TMEM87A: variants seen among roughly 807,000 people sequenced by gnomAD.
TMEM87A encodes the protein Golgi-pH regulating cation channel.
TMEM87A carries 50 observed loss-of-function variants against 90.0 expected under a neutral mutation model. The ratio of observed to expected loss-of-function variants is 0.56; its 90% confidence interval spans 0.44 to 0.70. The LOEUF is 0.70. Ranked by LOEUF, TMEM87A falls within the 30% of genes least tolerant of loss-of-function variation. The pLI is 0.00. For synonymous variants in TMEM87A, 226 were observed against 226.7 expected, an observed-to-expected ratio of 1.00 and a Z score of 0.03; for missense variants, 577 against 660.5, an observed-to-expected ratio of 0.87 and a Z score of 1.39.
Position 42,244,213 on chromosome 15 carries a change from G to A in TMEM87A, c.505-46C>T, listed in dbSNP as rs753647763. 3.8e-6 allele frequency: 5 copies of A among 1,331,524 alleles called. No homozygotes were observed. The Admixed American group carries it at 1.3e-4, about 34-fold the overall frequency. The allele number at this position is 1,331,524 out of a possible 1,614,324, so 82.5% of individuals were successfully genotyped here. On this transcript the variant is annotated intron_variant, in intron 6 of 19. Transcript: ENST00000389834. ...CACATCTATAAATCTTAAGAATTAA[G>A]AGCACAAATTAATAATACAATATGC... is the stretch of plus-strand genomic sequence containing the variant.
chr15:42,244,215 G>C, intron 6 of TMEM87A, 48 bp from the exon 7 acceptor site: 1 of 1,306,612 alleles, frequency 7.7e-7, no homozygotes, highest in Non-Finnish European at 1.1e-6. Context: ...AGAATTAAGA[G>C]CACAAATTAA....
chr15:42,223,438 G>A (rs1181173140), intron 15 of TMEM87A, among the ~76,000 whole-genome samples: 1 of 152,182 alleles, frequency 6.6e-6, no homozygotes, highest in Non-Finnish European at 1.5e-5. Flanking sequence ...GATTGTTACA[G>A]TCTGAATGTC....
chr15:42,212,485 C>T (rs1217086344), intron 19 of TMEM87A, among the ~76,000 whole-genome samples: 1 of 152,112 alleles, frequency 6.6e-6, no homozygotes, highest in Non-Finnish European at 1.5e-5. Flanking sequence ...TTCTCCACTC[C>T]ATCCAAGCCT....
At chr15:42,216,508 A>G (rs369020164) in intron 19 of TMEM87A, among the ~76,000 whole-genome samples, 1 of 152,218 alleles carries the variant, frequency 6.6e-6, no homozygotes, top group Admixed American at 6.5e-5. Flanking sequence ...CATTCCCATG[A>G]AGGGCACAAT....
At chr15:42,256,849 C>G (rs532393026) in intron 6 of TMEM87A, among the ~76,000 whole-genome samples, 1 of 152,068 alleles carries the variant, frequency 6.6e-6, no homozygotes, top group African/African-American at 2.4e-5. Flanking sequence ...TCCCAAGTAG[C>G]GGGGACTACA....
chr15:42,233,964 T>C (rs1050779557), intron 10 of TMEM87A, among the ~76,000 whole-genome samples: 1 of 150,982 alleles, frequency 6.6e-6, no homozygotes, highest in Non-Finnish European at 1.5e-5. Context: ...TGATGTTTTG[T>C]AGAGACAAGG....
At chr15:42,260,403 A>G (rs1357969977) in intron 6 of TMEM87A, among the ~76,000 whole-genome samples, 1 of 152,192 alleles carries the variant, frequency 6.6e-6, no homozygotes, top group Non-Finnish European at 1.5e-5. Flanking sequence ...CTTCTGTAAT[A>G]TGTATATTAT....
intron 6 of TMEM87A, among the ~76,000 whole-genome samples, chr15:42,248,570 T>C (rs867120195): frequency 4.6e-5 from 7 of 152,248 alleles, no homozygotes; most frequent in Non-Finnish European, 8.8e-5. Flanking sequence ...GTTCTGTTTA[T>C]GTGATGGATT....
intron 1 of TMEM87A, 129 bp downstream of exon 1, chr15:42,273,126 C>T: frequency 1.6e-6 from 2 of 1,216,440 alleles, no homozygotes; most frequent in East Asian, 2.5e-5. Flanking sequence ...GTTGGCTAGC[C>T]ACACAGACCA....
intron 8 of TMEM87A, among the ~76,000 whole-genome samples, chr15:42,238,607 G>A (rs547744725): frequency 6.6e-6 from 1 of 152,028 alleles, no homozygotes; most frequent in South Asian, 2.1e-4. Context: ...AAATTAGCCA[G>A]GCATAGTGGC....
At chr15:42,244,188 C>G (rs964341735) in intron 6 of TMEM87A, 21 bp from the exon 7 acceptor site, 1 of 1,463,350 alleles carries the variant, frequency 6.8e-7, no homozygotes, top group Non-Finnish European at 9.2e-7. Context: ...AAAAGGGCAT[C>G]ACATCTATAA....
chr15:42,246,628 C>A (rs1423839209), intron 6 of TMEM87A, among the ~76,000 whole-genome samples: 1 of 152,130 alleles, frequency 6.6e-6, no homozygotes, highest in African/African-American at 2.4e-5. Context: ...TGAACTCATC[C>A]TTTTTTATGG....
At chr15:42,269,937 C>T (rs1272176085) in intron 2 of TMEM87A, among the ~76,000 whole-genome samples, 4 of 79,172 alleles carry the variant, frequency 5.1e-5, no homozygotes, top group South Asian at 9.3e-4. Context: ...AGCGAGACTC[C>T]GTCTCAAAAA....
rs1021900785 is a variant in TMEM87A at position 42,234,020 on chromosome 15, G to A, written c.969-714C>T. Among the ~76,000 whole-genome samples, 7 of 151,018 alleles carry A rather than the reference G, an allele frequency of 4.6e-5. No homozygotes were observed. In the East Asian group the frequency reaches 5.8e-4, roughly 13 times the overall value. On this transcript the variant is annotated intron_variant, in intron 10 of 19. Transcript: ENST00000389834. ...TGGTCTAGAACTCCTAGGCTTAAGCGATTCTCCTGCATTGGCCTCCCCAAG... is the reference window on the plus strand; with the variant it reads ...TGGTCTAGAACTCCTAGGCTTAAGCAATTCTCCTGCATTGGCCTCCCCAAG...
chr15:42,261,023 AT>A (rs2051279396), intron 5 of TMEM87A, 21 bp from the exon 6 acceptor site: 7 of 1,584,158 alleles, frequency 4.4e-6, no homozygotes, highest in Middle Eastern at 3.4e-4. Context: ...TAAAAAAATA[AT>A]AATAATTAAT....
At position 42,242,087 on chromosome 15, in the gene TMEM87A, A is replaced by G. The variant is rs191181059; in HGVS notation, c.622+1963T>C. 2.0e-5 allele frequency among the ~76,000 whole-genome samples: 3 copies of G among 151,712 alleles called. No homozygotes were observed. The East Asian group carries it at 5.8e-4, about 29-fold the overall frequency. On this transcript the variant is annotated intron_variant, in intron 7 of 19. Transcript: ENST00000389834. The stretch of plus-strand genomic sequence containing the variant: ...ATCTCAAAAAAAAAAAGAAAAAAAA[A>G]AAGAAAAAGAAAAAAACAAAAAAGG...
In TMEM87A at chr15:42,220,055, T is replaced by C. The variant is rs747151340; in HGVS notation, c.1477+7A>G. 3.1e-6 allele frequency: 5 copies of C among 1,590,042 alleles called. No individual in the cohort carries two copies. Among genetic ancestry groups the C allele is most frequent in the Non-Finnish European group, 4.3e-6 (5 of 1,172,720 alleles). ...AAGTACTAATAAGAGGTGAATTTTA[T>C]TATTACCAAAGCTTTCTTTCAGCAT... is the stretch of plus-strand genomic sequence containing the variant. On this transcript the variant is annotated splice_region_variant and intron_variant, in intron 16 of 19. Coordinates refer to ENST00000389834, the MANE Select transcript of TMEM87A (RefSeq NM_015497.5).
intron 15 of TMEM87A, among the ~76,000 whole-genome samples, chr15:42,223,638 G>C (rs1595710982): frequency 6.6e-6 from 1 of 152,154 alleles, no homozygotes; most frequent in South Asian, 2.1e-4. Context: ...GACCCAGTAA[G>C]AAGGCCCTCA....
At chr15:42,249,616 T>A (rs1012832377) in intron 6 of TMEM87A, among the ~76,000 whole-genome samples, 2 of 152,234 alleles carry the variant, frequency 1.3e-5, no homozygotes, top group African/African-American at 4.8e-5. Flanking sequence ...TAATCTTGAG[T>A]TCTAATTTGA....
Sources: gnomAD v4.1 joint callset for allele counts (sites outside exome capture counted in the v4.1 genomes callset) on GRCh38, gnomAD v4.1.1 for gene constraint, MANE v1.5 for transcripts, NCBI Gene and HGNC (gene_info 2026-07-23, HGNC 2026-07-21) for gene names.